The following EPB41L4B variants were observed in gnomAD, a reference collection of about 807,000 sequenced individuals.
EPB41L4B encodes band 4.1-like protein 4B.
EPB41L4B carries 30 observed loss-of-function variants against 112.5 expected under a neutral mutation model. That is an observed-to-expected ratio of 0.27 (90% confidence interval 0.20 to 0.36). The LOEUF is 0.36. Ranked by LOEUF, EPB41L4B falls within the 10% of genes least tolerant of loss-of-function variation. The pLI, the probability that EPB41L4B is intolerant of heterozygous loss-of-function variation, is 1.00. For missense variants in EPB41L4B, 1,024 were observed against 1,133.3 expected (o/e 0.90, Z 1.38); for synonymous variants, 408 against 439.7 (o/e 0.93, Z 0.90).
chr9:109,178,613 G>GT (rs565888711), intron 24 of EPB41L4B, among the ~76,000 whole-genome samples: 181 of 151,448 alleles, frequency 1.2e-3, no homozygotes, highest in South Asian at 3.5e-3. Flanking sequence ...CATAACTGGG[G>GT]TTTTTTTTAG....
At chr9:109,193,672 G>A (rs188172820) in intron 21 of EPB41L4B, among the ~76,000 whole-genome samples, 5 of 152,342 alleles carry the variant, frequency 3.3e-5, no homozygotes, top group Non-Finnish European at 7.3e-5. Flanking sequence ...AAGAGTAATC[G>A]TAGCTAGAGG....
intron 24 of EPB41L4B, 21 bp from the exon 25 acceptor site, chr9:109,176,717 A>G (rs1831855643): frequency 2.5e-6 from 4 of 1,613,216 alleles, no homozygotes; most frequent in Non-Finnish European, 2.5e-6. Flanking sequence ...AACAGGAAAG[A>G]GGAGATCAAT....
rs1298585914 is a variant in EPB41L4B, at chr9:109,239,843, C to T, written c.1409+3775G>A. On this transcript the variant is annotated intron_variant, in intron 15 of 25. Transcript: ENST00000374566. ...CCAGGAAGAGCACAAGTAGCCAGGA[C>T]AAACACGTACCTTTACAGGACTATT... 9 of 985,302 alleles carry T rather than the reference C, an allele frequency of 9.1e-6. No homozygotes were observed. In the East Asian group the frequency reaches 1.0e-3, roughly 112 times the overall value. The allele number at this position is 985,302 out of a possible 1,614,324, so 61.0% of individuals were successfully genotyped here.
At chr9:109,206,975 C>T (rs1833009794) in intron 18 of EPB41L4B, among the ~76,000 whole-genome samples, 1 of 152,222 alleles carries the variant, frequency 6.6e-6, no homozygotes, top group South Asian at 2.1e-4. Flanking sequence ...ACTGGCAGAT[C>T]CAGCTGCATG....
At chr9:109,177,050 G>A (rs1831869603) in intron 24 of EPB41L4B, among the ~76,000 whole-genome samples, 2 of 152,124 alleles carry the variant, frequency 1.3e-5, no homozygotes, top group Admixed American at 6.5e-5. Flanking sequence ...TTCTGATATC[G>A]GGAAATGTTA....
intron 19 of EPB41L4B, among the ~76,000 whole-genome samples, 170 bp from the exon 20 acceptor site, chr9:109,200,504 T>G (rs1263724532): frequency 6.6e-6 from 1 of 152,216 alleles, no homozygotes; most frequent in African/African-American, 2.4e-5. Flanking sequence ...AATTATATTT[T>G]AAAACCATAG....
chr9:109,298,827 T>C (rs1032682048), intron 1 of EPB41L4B, among the ~76,000 whole-genome samples: 5 of 152,214 alleles, frequency 3.3e-5, no homozygotes, highest in African/African-American at 4.8e-5. Context: ...TCTGGAATGG[T>C]TGAGCACACA....
chr9:109,192,908 C>A (rs1832510167), intron 21 of EPB41L4B, among the ~76,000 whole-genome samples: 1 of 152,124 alleles, frequency 6.6e-6, no homozygotes, highest in African/African-American at 2.4e-5. Flanking sequence ...CAAGCAAGGC[C>A]CCAAGGAGAG....
intron 19 of EPB41L4B, among the ~76,000 whole-genome samples, chr9:109,201,466 G>GA (rs1035267642): frequency 2.8e-5 from 4 of 143,166 alleles, no homozygotes; most frequent in East Asian, 2.0e-4. Flanking sequence ...AAAAAAAAAA[G>GA]AAAAAAAAAG....
At chr9:109,274,884 T>C (rs1835754088) in intron 2 of EPB41L4B, among the ~76,000 whole-genome samples, 1 of 152,194 alleles carries the variant, frequency 6.6e-6, no homozygotes, top group African/African-American at 2.4e-5. Flanking sequence ...AAGACTGTAG[T>C]TCAGTGCTGG....
In EPB41L4B at chr9:109,247,747, G is replaced by A; in HGVS notation, c.1344+9C>T. ...TCTTTAAAGAAAACCTTTAAAAGCA[G>A]TATCTTACCTGGTAATTATGGACTT... is the stretch of plus-strand genomic sequence containing the variant. On this transcript the variant is annotated intron_variant, in intron 14 of 25. Transcript: ENST00000374566. 1.4e-6 allele frequency: 2 copies of A among 1,464,978 alleles called. No homozygotes were observed. Among genetic ancestry groups the A allele is most frequent in the Non-Finnish European group, 1.8e-6 (2 of 1,104,972 alleles). 90.7% of individuals were successfully genotyped at this position (1,464,978 alleles called of 1,614,324 possible).
chr9:109,294,651 T>C (rs182390765), intron 1 of EPB41L4B, among the ~76,000 whole-genome samples: 160 of 147,056 alleles, frequency 1.1e-3, no homozygotes, highest in African/African-American at 4.0e-3. Flanking sequence ...GTTCGTTTTG[T>C]GGAGTATAAT....
At chr9:109,196,684 T>C (rs1366627394) in intron 20 of EPB41L4B, among the ~76,000 whole-genome samples, 2 of 127,440 alleles carry the variant, frequency 1.6e-5, no homozygotes, top group African/African-American at 6.2e-5. Flanking sequence ...ACCACTGCAC[T>C]CCAGCTTGGG....
At chr9:109,285,190 TCA>T (rs1319832463) in intron 1 of EPB41L4B, among the ~76,000 whole-genome samples, 2 of 152,242 alleles carry the variant, frequency 1.3e-5, no homozygotes, top group African/African-American at 4.8e-5. Context: ...GACCATCCCA[TCA>T]CACAGAGTAT....
At chr9:109,198,124 T>C (rs1832707149) in intron 20 of EPB41L4B, among the ~76,000 whole-genome samples, 1 of 152,188 alleles carries the variant, frequency 6.6e-6, no homozygotes, top group African/African-American at 2.4e-5. Context: ...ATGAAGGATA[T>C]GAGGTGGGAT....
chr9:109,319,786 G>C (rs1437358936), intron 1 of EPB41L4B, among the ~76,000 whole-genome samples: 1 of 152,098 alleles, frequency 6.6e-6, no homozygotes. Flanking sequence ...CTGGAAGCTA[G>C]GGACGGAAGG....
Position 109,258,180 on chromosome 9 carries a change from C to T in EPB41L4B, c.749G>A (p.Cys250Tyr). ...EFDIFQRWKE[C>Y]RGKSPAQAEL... ...CTAGACGGTTGCATCAAGGTACCTG[C>T]ACTCTTTCCATCTCTGGAAGATATC... The change falls in exon 7 of 26, where the codon TGC becomes TAC. Residue 250 changes from cysteine to tyrosine, a missense_variant. Transcript: ENST00000374566. The T allele has an allele frequency of 6.2e-7, 1 of 1,612,912 alleles. No homozygotes were observed. The highest frequency in any genetic ancestry group is 8.5e-7 in the Non-Finnish European group (1 of 1,179,122).
chr9:109,189,058 C>G (rs1376438253), intron 22 of EPB41L4B, among the ~76,000 whole-genome samples: 2 of 152,228 alleles, frequency 1.3e-5, no homozygotes, highest in African/African-American at 4.8e-5. Flanking sequence ...CCCCCAAGCA[C>G]CTGCTCACAT....
At chr9:109,304,240 C>G (rs1218167429) in intron 1 of EPB41L4B, among the ~76,000 whole-genome samples, 1 of 152,206 alleles carries the variant, frequency 6.6e-6, no homozygotes, top group Non-Finnish European at 1.5e-5. Context: ...CTTGGGGTAC[C>G]TCTGCCTTTC....
Sources: allele counts gnomAD v4.1 joint callset (sites outside exome capture counted in the v4.1 genomes callset), GRCh38; gene constraint gnomAD v4.1.1; transcripts MANE v1.5; gene names NCBI Gene and HGNC (gene_info 2026-07-23, HGNC 2026-07-21).